Variants in RAD18 observed in about 807,000 individuals in gnomAD.
RAD18 encodes RAD18 E3 ubiquitin protein ligase.
Under a neutral mutation model 60.4 loss-of-function variants are expected in RAD18, and 47 were observed. The ratio of observed to expected loss-of-function variants is 0.78; its 90% CI spans 0.62 to 0.99. The LOEUF (loss-of-function observed/expected upper bound fraction) is 0.99. Ranked by LOEUF, RAD18 falls within the 50% of genes least tolerant of loss-of-function variation. The pLI is 0.00. For synonymous variants in RAD18, 225 were observed against 195.5 expected, an observed-to-expected ratio of 1.15 and a Z score of -1.26; for missense variants, 640 against 593.3, an observed-to-expected ratio of 1.08 and a Z score of -0.82.
chr3:8,898,945 C>G lies in RAD18; in HGVS notation c.1271G>C (p.Cys424Ser), dbSNP rs1939852407. 2.5e-6 allele frequency: 4 copies of G among 1,606,374 alleles called. No homozygotes were observed. Among genetic ancestry groups the G allele is most frequent in the African/African-American group, 1.3e-5 (1 of 74,712 alleles). ...EPDREEDSSS[C>S]IDIQEVLSSS... ...AGAAAGAACTTCTTGAATATCAATA[C>G]AGCTAGAAGAATCCTCTTCTCTGTC... The change falls in exon 11 of 13, where the codon TGT becomes TCT. Residue 424 changes from cysteine to serine, a missense_variant. By Grantham distance (112) the Cys-to-Ser change is moderately radical. Coordinates refer to ENST00000264926, the MANE Select transcript of RAD18 (RefSeq NM_020165.4).
At chr3:8,929,471 A>C (rs1940510381) in intron 7 of RAD18, among the ~76,000 whole-genome samples, 1 of 152,022 alleles carries the variant, frequency 6.6e-6, no homozygotes. Flanking sequence ...AACAAAAAGA[A>C]CCCTCTGGCT....
At chr3:8,907,658 C>T (rs1024389953) in intron 9 of RAD18, among the ~76,000 whole-genome samples, 1 of 152,192 alleles carries the variant, frequency 6.6e-6, no homozygotes, top group Non-Finnish European at 1.5e-5. Context: ...TCAGAGACTA[C>T]AGACAGATGC....
chr3:8,903,629 G>A (rs1575538404), intron 9 of RAD18, among the ~76,000 whole-genome samples: 1 of 152,120 alleles, frequency 6.6e-6, no homozygotes, highest in Non-Finnish European at 1.5e-5. Flanking sequence ...TCAATAAAGA[G>A]CAGCCAGTCA....
intron 9 of RAD18, among the ~76,000 whole-genome samples, chr3:8,910,955 G>A (rs1021994380): frequency 1.3e-5 from 2 of 152,182 alleles, no homozygotes; most frequent in Non-Finnish European, 2.9e-5. Context: ...GGTTGTTGGA[G>A]GATGCAAGAG....
chr3:8,946,686 T>C (rs1408192716), intron 4 of RAD18, among the ~76,000 whole-genome samples: 1 of 152,244 alleles, frequency 6.6e-6, no homozygotes, highest in Non-Finnish European at 1.5e-5. Flanking sequence ...ATTTAATACA[T>C]GCTGAATAAA....
chr3:8,924,671 T>C (rs201289754), intron 7 of RAD18, among the ~76,000 whole-genome samples: 64,017 of 105,250 alleles, frequency 0.61, 20,138 homozygotes, highest in Middle Eastern at 0.73. Context: ...TAAAGCACTC[T>C]TCAGCAAATG....
Position 8,881,339 on chromosome 3 carries a change from A to C in RAD18, c.*18T>G. ...GGTATTCTAATCAATGCATTTGAAA[A>C]GTCAGCAAAAGCCCACATTAATTCC... On this transcript the variant is annotated 3_prime_UTR_variant, in exon 13 of 13. Coordinates refer to ENST00000264926, the MANE Select transcript of RAD18 (RefSeq NM_020165.4). 2.6e-6 allele frequency: 4 copies of C among 1,555,334 alleles called. No homozygotes were observed. Among genetic ancestry groups the C allele is most frequent in the Non-Finnish European group, 3.5e-6 (4 of 1,130,136 alleles).
chr3:8,904,567 A>G (rs879257397), intron 9 of RAD18, among the ~76,000 whole-genome samples: 6 of 152,218 alleles, frequency 3.9e-5, no homozygotes, highest in Admixed American at 3.9e-4. Flanking sequence ...ATCACTGGAA[A>G]AAACTAACTC....
At chr3:8,891,474 A>C (rs140312998) in intron 11 of RAD18, among the ~76,000 whole-genome samples, 4 of 152,304 alleles carry the variant, frequency 2.6e-5, no homozygotes, top group Non-Finnish European at 5.9e-5. Context: ...CTGATTTGTT[A>C]AAGGAAAACA....
intron 7 of RAD18, among the ~76,000 whole-genome samples, chr3:8,925,741 G>T (rs1254614517): frequency 2.6e-5 from 4 of 152,180 alleles, no homozygotes; most frequent in Non-Finnish European, 4.4e-5. Flanking sequence ...TCCCTGGGAT[G>T]CAAGGCTGGT....
intron 7 of RAD18, among the ~76,000 whole-genome samples, chr3:8,935,450 T>C (rs1054668379): frequency 5.9e-5 from 9 of 152,232 alleles, no homozygotes; most frequent in Non-Finnish European, 1.5e-5. Flanking sequence ...CTTTTATCAT[T>C]TATTTCACTC....
rs535542723 is a variant in RAD18, at chr3:8,902,511, T to C, written c.1037A>G (p.His346Arg). 14 of 1,601,326 alleles carry C rather than the reference T, an allele frequency of 8.7e-6. No individual in the cohort carries two copies. In the East Asian group the frequency reaches 9.0e-5, roughly 10 times the overall value. The change falls in exon 10 of 13, where the codon CAT becomes CGT. Residue 346 changes from histidine (H) to arginine (R), a missense_variant. His to Arg is a conservative substitution (Grantham distance 29). Coordinates refer to ENST00000264926, the MANE Select transcript of RAD18 (RefSeq NM_020165.4). ...DEIHSKYRKKHKSEFQLLVDQ... is the reference protein window; with the variant it reads ...DEIHSKYRKKRKSEFQLLVDQ... ...CACCAGAAGCTGAAATTCACTCTTATGTTTTTTACCTGAAATTCAAAAGAT... is the reference window on the plus strand; with the variant it reads ...CACCAGAAGCTGAAATTCACTCTTACGTTTTTTACCTGAAATTCAAAAGAT...
At chr3:8,941,187 T>A (rs999449669) in intron 5 of RAD18, among the ~76,000 whole-genome samples, 2 of 152,204 alleles carry the variant, frequency 1.3e-5, no homozygotes, top group Non-Finnish European at 2.9e-5. Context: ...ATATGTTGAA[T>A]GAGGGGAAGA....
At chr3:8,917,212 A>T (rs528102490) in intron 7 of RAD18, among the ~76,000 whole-genome samples, 84 of 152,314 alleles carry the variant, frequency 5.5e-4, no homozygotes, top group Middle Eastern at 3.4e-3. Context: ...TCTAATAAAA[A>T]TATCTTTCAA....
At chr3:8,904,983 C>T (rs1215185706) in intron 9 of RAD18, among the ~76,000 whole-genome samples, 1 of 152,212 alleles carries the variant, frequency 6.6e-6, no homozygotes, top group African/African-American at 2.4e-5. Flanking sequence ...AAATGGCAGC[C>T]ACTACTCTGG....
Position 8,898,973 on chromosome 3 carries a change from G to T in RAD18, c.1243C>A (p.Pro415Thr). ...SKLDSPEELE[P>T]DREEDSSSCI... ...CTAGAAGAATCCTCTTCTCTGTCAG[G>T]TTCCAATTCCTCTGGGGAGTCCAGC... Residue 415 changes from proline to threonine, a missense_variant, in exon 11 of 13, where the codon CCT (proline) becomes ACT (threonine). Coordinates refer to ENST00000264926, the MANE Select transcript of RAD18 (RefSeq NM_020165.4). 6.2e-7 allele frequency: 1 copy of T among 1,610,206 alleles called. No individual in the cohort carries two copies. Among genetic ancestry groups the T allele is most frequent in the South Asian group, 1.1e-5 (1 of 90,526 alleles).
intron 11 of RAD18, among the ~76,000 whole-genome samples, chr3:8,893,943 C>T (rs538857974): frequency 1.3e-5 from 2 of 152,234 alleles, no homozygotes; most frequent in African/African-American, 4.8e-5. Flanking sequence ...TCCCGCCTTG[C>T]TTGGCTTCTC....
chr3:8,946,766 T>G (rs1940846188), intron 4 of RAD18, among the ~76,000 whole-genome samples: 1 of 152,196 alleles, frequency 6.6e-6, no homozygotes, highest in Admixed American at 6.5e-5. Context: ...TATACATGAG[T>G]TAGTACATAC....
At chr3:8,958,389 A>T (rs1293678037) in intron 2 of RAD18, among the ~76,000 whole-genome samples, 1 of 152,220 alleles carries the variant, frequency 6.6e-6, no homozygotes, top group Non-Finnish European at 1.5e-5. Flanking sequence ...GATATTTTTA[A>T]ATGCTTATAT....
Sources: gnomAD v4.1 joint callset for allele counts (sites outside exome capture counted in the v4.1 genomes callset) on GRCh38, gnomAD v4.1.1 for gene constraint, MANE v1.5 for transcripts, NCBI Gene and HGNC (gene_info 2026-07-23, HGNC 2026-07-21) for gene names.